The following RAD51B variants were observed in gnomAD, a reference collection of about 807,000 sequenced individuals.
The protein encoded by RAD51B is DNA repair protein RAD51 homolog 2.
In RAD51B, 38 loss-of-function variants were observed where a neutral mutation model predicts 42.2. The observed-to-expected ratio is 0.90, with a 90% confidence interval of 0.70 to 1.18. RAD51B has a LOEUF of 1.18. Ranked by LOEUF, RAD51B falls within the 50% of genes most tolerant of loss-of-function variation. The pLI, the probability that RAD51B is intolerant of heterozygous loss-of-function variation, is 0.00. For missense variants in RAD51B, 373 were observed against 400.7 expected, an observed-to-expected ratio of 0.93 and a Z score of 0.59; for synonymous variants, 154 against 145.2, an observed-to-expected ratio of 1.06 and a Z score of -0.43.
rs2080280036 is a variant in RAD51B at position 68,237,289 on chromosome 14, C to T, written c.757-54595C>T. Among the ~76,000 whole-genome samples, 3 of 152,160 alleles carry T rather than the reference C, an allele frequency of 2.0e-5. No homozygotes were observed. The South Asian group carries it at 6.2e-4, about 32-fold the overall frequency. On this transcript the variant is annotated intron_variant, in intron 7 of 10. Transcript: ENST00000471583. ...TGAGAAACTATGAGTTTATTTCTTC[C>T]TGCTGTTAACTGAAGCAATGAAAAA...
chr14:68,518,554 G>GCCCCCCCCCCCCCCC (rs11341781), intron 10 of RAD51B, among the ~76,000 whole-genome samples: 1 of 137,358 alleles, frequency 7.3e-6, no homozygotes, highest in African/African-American at 2.7e-5. Context: ...GGTCATATGA[G>GCCCCCCCCCCCCCCC]CCCCCCCCCC....
chr14:68,516,411 G>A (rs187903718), intron 10 of RAD51B, among the ~76,000 whole-genome samples: 36 of 152,248 alleles, frequency 2.4e-4, no homozygotes, highest in African/African-American at 7.7e-4. Flanking sequence ...TTGACTGTCC[G>A]GCTTAATAGA....
At chr14:67,829,297 C>T (rs542768084) in intron 3 of RAD51B, among the ~76,000 whole-genome samples, 14 of 151,520 alleles carry the variant, frequency 9.2e-5, no homozygotes, top group African/African-American at 3.4e-4. Context: ...GGCTGGAGTG[C>T]AGTGGCACAA....
chr14:68,002,565 G>A (rs946887822), intron 7 of RAD51B, among the ~76,000 whole-genome samples: 1 of 152,076 alleles, frequency 6.6e-6, no homozygotes, highest in Non-Finnish European at 1.5e-5. Flanking sequence ...TGCTTTTGTT[G>A]CAATTGCTTT....
intron 4 of RAD51B, among the ~76,000 whole-genome samples, chr14:67,855,992 C>A (rs1362725362): frequency 1.3e-5 from 2 of 152,244 alleles, no homozygotes; most frequent in African/African-American, 2.4e-5. Context: ...TCTTCACTTA[C>A]TCTCTAATTT....
chr14:68,056,599 A>G (rs2076479156), intron 7 of RAD51B, among the ~76,000 whole-genome samples: 2 of 151,824 alleles, frequency 1.3e-5, no homozygotes, highest in Admixed American at 6.6e-5. Flanking sequence ...AATACAAAAA[A>G]TTAGCCAGGC....
intron 7 of RAD51B, among the ~76,000 whole-genome samples, chr14:68,077,679 G>A (rs1338103944): frequency 2.6e-5 from 4 of 152,228 alleles, no homozygotes; most frequent in African/African-American, 9.6e-5. Context: ...TGCTTGGCCA[G>A]GAGTGGTGGC....
chr14:67,931,004 T>A (rs2044711420), intron 7 of RAD51B, among the ~76,000 whole-genome samples: 1 of 151,810 alleles, frequency 6.6e-6, no homozygotes, highest in East Asian at 1.9e-4. Context: ...CACTGCAAGC[T>A]CCGCCGCCTG....
intron 10 of RAD51B, among the ~76,000 whole-genome samples, chr14:68,584,424 G>A (rs1890358697): frequency 1.3e-5 from 2 of 152,170 alleles, no homozygotes; most frequent in Admixed American, 1.3e-4. Flanking sequence ...TCTTAAGGAA[G>A]CAGGAGCTAT....
intron 7 of RAD51B, among the ~76,000 whole-genome samples, chr14:67,923,298 C>CTTTTTTTTTTTTTTTT (rs34809964): frequency 2.4e-4 from 30 of 123,630 alleles, no homozygotes; most frequent in Non-Finnish European, 3.7e-4. Context: ...TTTTCTTTTT[C>CTTTTTTTTTTTTTTTT]TTTTTTTTTT....
At chr14:68,004,917 A>C (rs2075555502) in intron 7 of RAD51B, among the ~76,000 whole-genome samples, 1 of 151,810 alleles carries the variant, frequency 6.6e-6, no homozygotes, top group African/African-American at 2.4e-5. Context: ...TGTGAGATTC[A>C]TCATGTTGTA....
intron 8 of RAD51B, among the ~76,000 whole-genome samples, chr14:68,371,271 C>G (rs1475551822): frequency 6.6e-6 from 1 of 151,956 alleles, no homozygotes; most frequent in African/African-American, 2.4e-5. Context: ...GTAATCCCAG[C>G]ACTTTGGGAG....
chr14:68,541,214 G>A (rs879637530), intron 10 of RAD51B: 32 of 985,430 alleles, frequency 3.2e-5, no homozygotes, highest in East Asian at 1.1e-4. Context: ...GCTCAGCTCC[G>A]TTCGGGCTCC....
intron 11 of RAD51B, among the ~76,000 whole-genome samples, chr14:68,671,025 C>T (rs1429449580): frequency 1.1e-4 from 16 of 152,198 alleles, no homozygotes; most frequent in Admixed American, 9.8e-4. Context: ...TGCTGGCCCC[C>T]CCAAGATGGT....
chr14:67,969,745 T>C (rs2074859898), intron 7 of RAD51B, among the ~76,000 whole-genome samples: 1 of 152,210 alleles, frequency 6.6e-6, no homozygotes, highest in Admixed American at 6.5e-5. Flanking sequence ...ATGCTATTTG[T>C]CACTTTTTCT....
intron 8 of RAD51B, among the ~76,000 whole-genome samples, chr14:68,350,839 G>A (rs2036363099): frequency 6.6e-6 from 1 of 152,188 alleles, no homozygotes; most frequent in Admixed American, 6.5e-5. Context: ...CTGGAAGGTA[G>A]AAATTACATC....
chr14:68,192,032 C>T (rs932639905), intron 7 of RAD51B, among the ~76,000 whole-genome samples: 6 of 152,166 alleles, frequency 3.9e-5, no homozygotes, highest in African/African-American at 1.2e-4. Context: ...GAAATTGCAA[C>T]ATTACTGACT....
At chr14:68,003,583 C>T (rs1256776848) in intron 7 of RAD51B, among the ~76,000 whole-genome samples, 4 of 152,186 alleles carry the variant, frequency 2.6e-5, no homozygotes, top group Non-Finnish European at 2.9e-5. Flanking sequence ...GAGAGGGCAT[C>T]CTTGTCTTGT....
At chr14:68,534,019 A>C (rs1887468372) in intron 10 of RAD51B, among the ~76,000 whole-genome samples, 1 of 152,234 alleles carries the variant, frequency 6.6e-6, no homozygotes, top group Non-Finnish European at 1.5e-5. Context: ...GGAGGTGATA[A>C]ATAGAACAAA....
Sources: gnomAD v4.1 joint callset for allele counts (sites outside exome capture counted in the v4.1 genomes callset) on GRCh38, gnomAD v4.1.1 for gene constraint, MANE v1.5 for transcripts, NCBI Gene and HGNC (gene_info 2026-07-23, HGNC 2026-07-21) for gene names.